Variants in RBFOX1 observed in about 807,000 individuals in gnomAD.
The protein encoded by RBFOX1 is RNA binding fox-1 homolog 1.
Under a neutral mutation model 57.7 loss-of-function variants are expected in RBFOX1, and 8 were observed. The ratio of observed to expected loss-of-function variants is 0.14; its 90% CI spans 0.08 to 0.25. The LOEUF is 0.25. RBFOX1 is among the 10% of genes least tolerant of loss of function. The pLI, the probability that RBFOX1 is intolerant of heterozygous loss-of-function variation, is 1.00. For missense variants in RBFOX1, 611 were observed against 548.5 expected, an observed-to-expected ratio of 1.11 and a Z score of -1.14; for synonymous variants, 326 against 222.4, an observed-to-expected ratio of 1.47 and a Z score of -4.15.
intron 4 of RBFOX1, among the ~76,000 whole-genome samples, chr16:7,370,274 G>C (rs1291995515): frequency 6.6e-6 from 1 of 152,064 alleles, no homozygotes; most frequent in Non-Finnish European, 1.5e-5. Context: ...TTATTTTCTT[G>C]GTACCCATTA....
At chr16:6,620,861 T>TA (rs1351132787) in intron 2 of RBFOX1, among the ~76,000 whole-genome samples, 1 of 152,196 alleles carries the variant, frequency 6.6e-6, no homozygotes, top group Non-Finnish European at 1.5e-5. Flanking sequence ...GCTCCACACT[T>TA]AAAATCCCTT....
intron 4 of RBFOX1, among the ~76,000 whole-genome samples, chr16:5,998,597 G>A (rs998667345): frequency 6.6e-6 from 1 of 152,186 alleles, no homozygotes; most frequent in African/African-American, 2.4e-5. Flanking sequence ...GGCTTTCACT[G>A]AAGCAAGGTT....
intron 3 of RBFOX1, among the ~76,000 whole-genome samples, chr16:5,799,254 C>T (rs2054981230): frequency 6.6e-6 from 1 of 152,032 alleles, no homozygotes; most frequent in African/African-American, 2.4e-5. Flanking sequence ...AAACTGCCCC[C>T]ATGACTCATT....
chr16:7,216,507 G>A (rs1172594159), intron 4 of RBFOX1, among the ~76,000 whole-genome samples: 2 of 152,006 alleles, frequency 1.3e-5, no homozygotes, highest in African/African-American at 2.4e-5. Flanking sequence ...TTTAAATAGC[G>A]TCTACTTCAT....
At chr16:6,848,757 C>T (rs1174647905) in intron 3 of RBFOX1, among the ~76,000 whole-genome samples, 1 of 151,942 alleles carries the variant, frequency 6.6e-6, no homozygotes, top group African/African-American at 2.4e-5. Context: ...AGTCACATTG[C>T]CAAGTAGAAG....
At chr16:7,465,826 G>A (rs943556051) in intron 4 of RBFOX1, among the ~76,000 whole-genome samples, 4 of 152,142 alleles carry the variant, frequency 2.6e-5, no homozygotes, top group Non-Finnish European at 4.4e-5. Flanking sequence ...TGTCTACACC[G>A]AAGTGCTGGA....
intron 1 of RBFOX1, among the ~76,000 whole-genome samples, chr16:5,262,459 G>C (rs996883042): frequency 9.9e-5 from 15 of 152,192 alleles, no homozygotes; most frequent in African/African-American, 3.6e-4. Context: ...GATTATATTT[G>C]AGCTGGGACA....
intron 1 of RBFOX1, among the ~76,000 whole-genome samples, chr16:6,098,757 C>G (rs2096273283): frequency 6.6e-6 from 1 of 152,200 alleles, no homozygotes; most frequent in Non-Finnish European, 1.5e-5. Context: ...GAATCAATCA[C>G]TGTTTTACTA....
intron 3 of RBFOX1, among the ~76,000 whole-genome samples, chr16:6,997,368 A>G (rs959657485): frequency 9.2e-5 from 14 of 152,204 alleles, no homozygotes; most frequent in Non-Finnish European, 1.3e-4. Flanking sequence ...TAAAGGTACA[A>G]TTGTCAACCT....
At chr16:6,510,586 C>T (rs1285382245) in intron 2 of RBFOX1, among the ~76,000 whole-genome samples, 5 of 152,110 alleles carry the variant, frequency 3.3e-5, no homozygotes, top group Non-Finnish European at 7.4e-5. Flanking sequence ...ATGGAGAAGT[C>T]GGGAGGATGA....
chr16:7,488,189 C>T (rs1347016577), intron 4 of RBFOX1, among the ~76,000 whole-genome samples: 3 of 152,178 alleles, frequency 2.0e-5, no homozygotes, highest in South Asian at 2.1e-4. Context: ...TCTTCATCTG[C>T]AGCGTGCTCA....
chr16:5,389,439 G>A (rs1298572528), intron 1 of RBFOX1, among the ~76,000 whole-genome samples: 1 of 151,996 alleles, frequency 6.6e-6, no homozygotes, highest in East Asian at 1.9e-4. Flanking sequence ...GATGCAAATA[G>A]CGCTTCCCAC....
intron 3 of RBFOX1, among the ~76,000 whole-genome samples, chr16:5,681,254 T>C (rs2050323597): frequency 6.6e-6 from 1 of 151,106 alleles, no homozygotes; most frequent in Non-Finnish European, 1.5e-5. Context: ...TTTTTTTTTT[T>C]TTTGTATTTT....
At chr16:7,523,987 T>C (rs1467279984) in intron 5 of RBFOX1, among the ~76,000 whole-genome samples, 1 of 152,190 alleles carries the variant, frequency 6.6e-6, no homozygotes, top group African/African-American at 2.4e-5. Flanking sequence ...CTCCCCACCC[T>C]ATATCCATGA....
intron 4 of RBFOX1, among the ~76,000 whole-genome samples, chr16:7,407,745 C>T (rs752376598): frequency 2.0e-5 from 3 of 152,200 alleles, no homozygotes; most frequent in Non-Finnish European, 4.4e-5. Context: ...TGCAAGTCTT[C>T]ACAGTGCCTT....
intron 3 of RBFOX1, among the ~76,000 whole-genome samples, chr16:6,937,923 G>C (rs2077649300): frequency 7.7e-6 from 1 of 129,496 alleles, no homozygotes; most frequent in African/African-American, 3.0e-5. Flanking sequence ...GTCTGAATCA[G>C]TTTTTCAGCT....
At chr16:6,631,690 G>C (rs2098386948) in intron 2 of RBFOX1, among the ~76,000 whole-genome samples, 1 of 152,192 alleles carries the variant, frequency 6.6e-6, no homozygotes, top group Admixed American at 6.5e-5. Flanking sequence ...AAACAGAACA[G>C]AGAGGATAAA....
intron 3 of RBFOX1, among the ~76,000 whole-genome samples, chr16:5,714,545 GA>G (rs1160904674): frequency 6.6e-6 from 1 of 152,184 alleles, no homozygotes; most frequent in Non-Finnish European, 1.5e-5. Flanking sequence ...TTAGATGTGT[GA>G]AAAATAAACC....
chr16:6,279,605 G>C (rs751214952), intron 1 of RBFOX1, among the ~76,000 whole-genome samples: 1 of 152,116 alleles, frequency 6.6e-6, no homozygotes, highest in South Asian at 2.1e-4. Flanking sequence ...CTTGGAGAAG[G>C]AACACTGAGA....
Sources: allele counts gnomAD v4.1 joint callset (sites outside exome capture counted in the v4.1 genomes callset), GRCh38; gene constraint gnomAD v4.1.1; transcripts MANE v1.5; gene names NCBI Gene and HGNC (gene_info 2026-07-23, HGNC 2026-07-21).